Variants in NFIC observed in about 807,000 individuals in gnomAD.
NFIC encodes the protein nuclear factor 1 C-type.
A neutral mutation model predicts 54.4 loss-of-function variants in NFIC; 12 were observed. That is an observed-to-expected ratio of 0.22 (90% CI 0.14 to 0.36). The LOEUF is 0.36. NFIC is among the 10% of genes least tolerant of loss of function. The pLI, the probability that NFIC is intolerant of heterozygous loss-of-function variation, is 1.00. For synonymous variants in NFIC, 322 were observed against 319.2 expected (o/e 1.01, Z -0.09); for missense variants, 575 against 718.2 (o/e 0.80, Z 2.28).
At chr19:3,436,133 T>TTTTGTTTG (rs10655460) in intron 6 of NFIC, among the ~76,000 whole-genome samples, 12,465 of 147,710 alleles carry the variant, frequency 0.084, 695 homozygotes, top group African/African-American at 0.16. Context: ...CGGCCTCTGT[T>TTTTGTTTG]TTTGTTTGTT....
Position 3,449,091 on chromosome 19 carries a change from C to G in NFIC, c.1036C>G (p.Leu346Val), listed in dbSNP as rs533469966. 4 of 1,613,912 alleles carry G rather than the reference C, an allele frequency of 2.5e-6. No homozygotes were observed. The East Asian group carries it at 6.7e-5, about 27-fold the overall frequency. The stretch of plus-strand genomic sequence containing the variant: ...CCCGTCCCCCCAGGACTCTCCCCGC[C>G]TCTCCAGCTTCACCCAGCACCACCG... ...NSPSPQDSPR[L>V]SSFTQHHRPV... The change falls in exon 7 of 11, where the codon CTC (leucine) becomes GTC (valine). Residue 346 changes from leucine (L) to valine (V), a missense_variant. By Grantham distance (32) the Leu-to-Val change is conservative. This residue lies in a region of NFIC where 447 missense variants were observed against 526.9 expected (regional missense o/e 0.85). Transcript: ENST00000443272.
intron 6 of NFIC, among the ~76,000 whole-genome samples, chr19:3,442,504 G>A (rs114156990): frequency 0.016 from 2,448 of 151,122 alleles, 78 homozygotes; most frequent in African/African-American, 0.057. Flanking sequence ...CTTCAGCCTC[G>A]CAAATAGCTG....
chr19:3,380,263 C>CAA (rs1204343074), intron 1 of NFIC, among the ~76,000 whole-genome samples: 1 of 149,672 alleles, frequency 6.7e-6, no homozygotes, highest in Non-Finnish European at 1.5e-5. Context: ...CTTGGCCTCC[C>CAA]AAAGTGCTGG....
At position 3,463,623 on chromosome 19, in the gene NFIC, C is replaced by T; in HGVS notation, c.*854C>T. The T allele has an allele frequency of 1.0e-6, 1 of 981,658 alleles. No individual in the cohort carries two copies. Among genetic ancestry groups the T allele is most frequent in the South Asian group, 4.7e-5 (1 of 21,188 alleles). 60.8% of individuals were successfully genotyped at this position (981,658 alleles called of 1,614,324 possible). On this transcript the variant is annotated 3_prime_UTR_variant, in exon 11 of 11. Coordinates refer to ENST00000443272, the MANE Select transcript of NFIC (RefSeq NM_001245002.2). The stretch of plus-strand genomic sequence containing the variant: ...AGTCTCTATGCAATTGGCCCCGGCC[C>T]CTCCACCCCCCACCCCCGGCATAGG...
intron 1 of NFIC, among the ~76,000 whole-genome samples, chr19:3,360,390 G>C (rs1173435363): frequency 6.6e-6 from 1 of 151,136 alleles, no homozygotes; most frequent in African/African-American, 2.4e-5. Context: ...AGGGACCCCC[G>C]GGTCTCGGCC....
upstream of NFIC, among the ~76,000 whole-genome samples, chr19:3,364,380 C>G (rs1226019747): frequency 1.3e-5 from 2 of 152,110 alleles, no homozygotes; most frequent in East Asian, 1.9e-4. Context: ...AGAGGGAGAG[C>G]CGAGGTGCAG....
intron 3 of NFIC, among the ~76,000 whole-genome samples, chr19:3,429,144 C>T (rs1399783706): frequency 3.6e-5 from 4 of 109,994 alleles, no homozygotes; most frequent in Non-Finnish European, 5.8e-5. Flanking sequence ...TATACACACA[C>T]ACACACACAC....
intron 6 of NFIC, 62 bp from the exon 7 acceptor site, chr19:3,448,952 G>A (rs1426659116): frequency 2.0e-6 from 3 of 1,532,102 alleles, no homozygotes; most frequent in Non-Finnish European, 2.6e-6. Context: ...TGGCTTTGGG[G>A]AAGGTCCAGG....
intron 6 of NFIC, among the ~76,000 whole-genome samples, chr19:3,436,363 G>T: frequency 7.9e-6 from 1 of 126,580 alleles, no homozygotes; most frequent in African/African-American, 3.1e-5. Context: ...TCACTATGTT[G>T]CCTAAGCTGG....
chr19:3,432,230 C>G (rs539507139), intron 3 of NFIC, among the ~76,000 whole-genome samples: 1 of 152,154 alleles, frequency 6.6e-6, no homozygotes, highest in African/African-American at 2.4e-5. Context: ...CCACTCCAGT[C>G]GAGAGGACAG....
Position 3,469,121 on chromosome 19 carries a change from AAG to A in NFIC, c.*6353_*6354del, listed in dbSNP as rs1304617167. On this transcript the variant is annotated 3_prime_UTR_variant, in exon 11 of 11. Transcript: ENST00000443272. ...TGCAAAAAAAAAATGAAAATGAAAA[AAG>A]GGGGATTCCATAAAAGATTCAATAA... 2 of 152,110 alleles carry A rather than the reference AAG, an allele frequency of 1.3e-5. No homozygotes were observed. Among genetic ancestry groups the A allele is most frequent in the Admixed American group, 6.5e-5 (1 of 15,272 alleles). 9.4% of individuals were successfully genotyped at this position (152,110 alleles called of 1,614,324 possible). A position where few individuals can be genotyped will look rare whatever the true frequency, so the allele number is the denominator to read the frequency against.
intron 9 of NFIC, among the ~76,000 whole-genome samples, chr19:3,456,273 C>T (rs1216929746): frequency 1.3e-5 from 2 of 152,248 alleles, no homozygotes; most frequent in African/African-American, 4.8e-5. Context: ...ACAGAGCCAT[C>T]CTGCCTTCCC....
chr19:3,385,990 ACCCCCTG>A lies in NFIC; in HGVS notation c.562+3749_562+3755del, dbSNP rs1366959324. Among the ~76,000 whole-genome samples the A allele has an allele frequency of 4.0e-5, 6 of 151,344 alleles. No homozygotes were observed. The South Asian group carries it at 6.4e-4, about 16-fold the overall frequency. On this transcript the variant is annotated intron_variant, in intron 2 of 10. Coordinates refer to ENST00000443272, the MANE Select transcript of NFIC (RefSeq NM_001245002.2). ...CCAAAGTGCCAGGATTACAGGCGTG[ACCCCCTG>A]CGCCCGGCCCATCCTCCTCATTCTG... is the stretch of plus-strand genomic sequence containing the variant.
intron 6 of NFIC, among the ~76,000 whole-genome samples, chr19:3,448,786 C>T (rs1156473204): frequency 6.6e-6 from 1 of 152,114 alleles, no homozygotes; most frequent in African/African-American, 2.4e-5. Flanking sequence ...GTGTTGATAC[C>T]CAGCTCTCCA....
Position 3,376,428 on chromosome 19 carries a change from C to CAA in NFIC, c.31-5254_31-5253dup, listed in dbSNP as rs35724239. ...TGGGCAACAGTGTGAGACACTGTCT[C>CAA]AAAAAAAAAAAAAAAAAAAAAAAAA... On this transcript the variant is annotated intron_variant, in intron 1 of 10. Transcript: ENST00000443272. 8.7e-4 allele frequency among the ~76,000 whole-genome samples: 42 copies of CAA among 48,176 alleles called. 1 individual carries two copies. The highest frequency in any genetic ancestry group is 1.2e-3 in the African/African-American group (15 of 12,210). 31.6% of individuals were successfully genotyped at this position (48,176 alleles called of 152,430 possible). A position where few individuals can be genotyped will look rare whatever the true frequency, so the allele number is the denominator to read the frequency against.
intron 1 of NFIC, 152 bp from the exon 2 acceptor site, chr19:3,381,560 G>T: frequency 8.3e-7 from 1 of 1,206,780 alleles, no homozygotes; most frequent in Non-Finnish European, 1.1e-6. Flanking sequence ...CGGCGTGCAC[G>T]GGTCCGCAGC....
At chr19:3,368,943 G>GTGTC (rs886930835) in intron 1 of NFIC, among the ~76,000 whole-genome samples, 1 of 138,734 alleles carries the variant, frequency 7.2e-6, no homozygotes, top group Admixed American at 7.5e-5. Flanking sequence ...GTGTGTGTGT[G>GTGTC]TGTGTCTGTT....
chr19:3,433,696 A>G, intron 4 of NFIC, 104 bp downstream of exon 4: 2 of 1,259,090 alleles, frequency 1.6e-6, no homozygotes, highest in Non-Finnish European at 2.2e-6. Flanking sequence ...TTTCCAGACA[A>G]CCCCCTGTGT....
rs774886997 is a variant in NFIC, at chr19:3,369,454, C to T, written c.30+2788C>T. ...GCTAATTTTACAACCTGAGCCCAACCGAAAATAGCTCCCTTTTAGCTGATC... is the reference window on the plus strand; with the variant it reads ...GCTAATTTTACAACCTGAGCCCAACTGAAAATAGCTCCCTTTTAGCTGATC... On this transcript the variant is annotated intron_variant, in intron 1 of 10. Transcript: ENST00000443272. This position sits in a 1 kb window ranked among gnomAD's most constrained non-coding sequence, Gnocchi z 4.3. 7.3e-5 allele frequency among the ~76,000 whole-genome samples: 11 copies of T among 151,568 alleles called. No individual in the cohort carries two copies. The highest frequency in any genetic ancestry group is 7.3e-5 in the African/African-American group (3 of 41,258).
Sources: allele counts gnomAD v4.1 joint callset (sites outside exome capture counted in the v4.1 genomes callset), GRCh38; gene constraint gnomAD v4.1.1; regional missense constraint gnomAD v4.1.1; non-coding constraint Gnocchi (gnomAD v3.1); transcripts MANE v1.5; gene names NCBI Gene and HGNC (gene_info 2026-07-23, HGNC 2026-07-21).